The following COL4A3 variants were observed in gnomAD, a reference collection of about 807,000 sequenced individuals.
The protein encoded by COL4A3 is collagen type IV alpha 3 chain.
Under a neutral mutation model 217.4 loss-of-function variants are expected in COL4A3, and 135 were observed. The observed-to-expected ratio is 0.62, with a 90% CI of 0.54 to 0.72. COL4A3 has a LOEUF of 0.72. Among genes scored for constraint, COL4A3 ranks in the 30% least tolerant of loss-of-function variants. The probability of loss-of-function intolerance (pLI) is 0.00; values close to 1 mark genes in which losing one functional copy is unlikely to be tolerated. For synonymous variants in COL4A3, 690 were observed against 736.3 expected, an observed-to-expected ratio of 0.94 and a Z score of 1.02; for missense variants, 1,868 against 2,119.9, an observed-to-expected ratio of 0.88 and a Z score of 2.33.
rs1467081509 is a variant in COL4A3, at chr2:227,250,678, A to G, written c.547-462A>G. ...TGTCTGGGTTGGAAGGTGGGTTACA[A>G]CTTTGGATAAGCAGGAAGGCTTTAT... On this transcript the variant is annotated intron_variant, in intron 9 of 51. Coordinates refer to ENST00000396578, the MANE Select transcript of COL4A3 (RefSeq NM_000091.5). This position sits in a 1 kb window ranked among gnomAD's most constrained non-coding sequence, Gnocchi z 4.1. 6.6e-6 allele frequency among the ~76,000 whole-genome samples: 1 copy of G among 152,192 alleles called. No homozygotes were observed. Among genetic ancestry groups the G allele is most frequent in the Non-Finnish European group, 1.5e-5 (1 of 68,032 alleles).
Position 227,304,382 on chromosome 2 carries a change from TG to T in COL4A3, c.4153+239del, listed in dbSNP as rs139517145. 0.12 allele frequency: 63,729 copies of T among 521,070 alleles called. 4,262 individuals carry two copies. Among genetic ancestry groups the T allele is most frequent in the Non-Finnish European group, 0.14 (42,072 of 291,646 alleles). 32.3% of individuals were successfully genotyped at this position (521,070 alleles called of 1,614,324 possible). A position where few individuals can be genotyped will look rare whatever the true frequency, so the allele number is the denominator to read the frequency against. ...TGAACAAATACACTTTAGGGCAGCA[TG>T]TTTTTTTTATTATTTTTTATTAAGG... is the stretch of plus-strand genomic sequence containing the variant. On this transcript the variant is annotated intron_variant, in intron 46 of 51. Transcript: ENST00000396578.
chr2:227,217,617 A>G (rs1175734439), intron 1 of COL4A3, among the ~76,000 whole-genome samples: 2 of 152,226 alleles, frequency 1.3e-5, no homozygotes, highest in East Asian at 3.8e-4. Context: ...TTATTAAAAT[A>G]AAATATCTCT....
chr2:227,165,416 T>C (rs1215474296), intron 1 of COL4A3, among the ~76,000 whole-genome samples: 11 of 152,232 alleles, frequency 7.2e-5, no homozygotes, highest in African/African-American at 2.4e-4. Context: ...TTAGAATCAT[T>C]TAAGCAATCT....
chr2:227,266,495 T>C lies in COL4A3; in HGVS notation c.1394T>C (p.Val465Ala). ...CTAGGGTCTCCAGGAATCCCAGGAG[T>C]TGATGGGCCCAAAGGTTGGTTCAAT... ...GYLGSPGIPG[V>A]DGPKGEPGLL... The change falls in exon 22 of 52, where the codon GTT becomes GCT. Residue 465 changes from valine (V) to alanine (A), a missense_variant. Around this residue, in one of 2 missense-constraint regions of COL4A3, gnomAD observed 1,503 missense variants for 1,786.1 expected, o/e 0.84. Transcript: ENST00000396578. 1 of 1,613,022 alleles carries C rather than the reference T, an allele frequency of 6.2e-7. No individual in the cohort carries two copies. The highest frequency in any genetic ancestry group is 8.5e-7 in the Non-Finnish European group (1 of 1,179,512).
intron 1 of COL4A3, among the ~76,000 whole-genome samples, chr2:227,219,604 A>G (rs1674681804): frequency 6.6e-6 from 1 of 151,940 alleles, no homozygotes; most frequent in Admixed American, 6.6e-5. Flanking sequence ...TGTAGCTTAC[A>G]TTTTCTTATT....
Position 227,230,802 on chromosome 2 carries a change from G to T in COL4A3, c.88-7166G>T, listed in dbSNP as rs1212069179. Among the ~76,000 whole-genome samples, 4 of 152,198 alleles carry T rather than the reference G, an allele frequency of 2.6e-5. No individual in the cohort carries two copies. The East Asian group carries it at 7.7e-4, about 29-fold the overall frequency. ...GAGCTACTGTCATCACCATCCAAAA[G>T]TATTCAAGTGCCCCTGTGCTGGGGT... On this transcript the variant is annotated intron_variant, in intron 1 of 51. Transcript: ENST00000396578.
At chr2:227,167,732 T>C (rs941801200) in intron 1 of COL4A3, among the ~76,000 whole-genome samples, 1 of 152,206 alleles carries the variant, frequency 6.6e-6, no homozygotes, top group African/African-American at 2.4e-5. Flanking sequence ...GACACCAACT[T>C]ATCTATCCCT....
chr2:227,239,267 C>G (rs2068879456), intron 2 of COL4A3, among the ~76,000 whole-genome samples: 1 of 151,920 alleles, frequency 6.6e-6, no homozygotes, highest in Admixed American at 6.6e-5. Context: ...GTATAACAAC[C>G]ATTTGCAAAG....
In COL4A3 at chr2:227,191,213, C is replaced by G. The variant is rs2066227746; in HGVS notation, c.87+26400C>G. On this transcript the variant is annotated intron_variant, in intron 1 of 51. Transcript: ENST00000396578. The surrounding 1 kb of genome is among the most constrained non-coding windows in gnomAD (Gnocchi z 6.8). ...AAAATTTTTATTATTATAAGTAATA[C>G]TGCTATGATCATGCCAATGACACTC... Among the ~76,000 whole-genome samples, 2 of 152,042 alleles carry G rather than the reference C, an allele frequency of 1.3e-5. No individual in the cohort carries two copies. The highest frequency in any genetic ancestry group is 1.3e-4 in the Admixed American group (2 of 15,264).
chr2:227,231,995 T>A (rs1247846642), intron 1 of COL4A3, among the ~76,000 whole-genome samples: 1 of 152,174 alleles, frequency 6.6e-6, no homozygotes, highest in Non-Finnish European at 1.5e-5. Flanking sequence ...ATTCTTCTAC[T>A]CTTTATGTCC....
intron 28 of COL4A3, 69 bp downstream of exon 28, chr2:227,277,622 AAAAT>A (rs2071663513): frequency 1.2e-6 from 1 of 832,476 alleles, no homozygotes; most frequent in Non-Finnish European, 2.0e-6. Context: ...ATGTATAAAT[AAAAT>A]GAGTAAAATA....
At chr2:227,195,023 A>G (rs1039260351) in intron 1 of COL4A3, among the ~76,000 whole-genome samples, 5 of 152,204 alleles carry the variant, frequency 3.3e-5, no homozygotes, top group African/African-American at 4.8e-5. Context: ...TGGGGAAAAA[A>G]GAAAATTTTC....
At chr2:227,304,870 A>G (rs2073438232) in intron 46 of COL4A3, 115 bp from the exon 47 acceptor site, 1 of 844,912 alleles carries the variant, frequency 1.2e-6, no homozygotes, top group African/African-American at 1.7e-5. Context: ...GGATCTTCCC[A>G]GGATGCAGGA....
intron 1 of COL4A3, among the ~76,000 whole-genome samples, chr2:227,188,052 G>T (rs2066095430): frequency 6.7e-6 from 1 of 150,260 alleles, no homozygotes; most frequent in Non-Finnish European, 1.5e-5. Context: ...TTTTTATGAG[G>T]GCTAGAAGAA....
intron 1 of COL4A3, among the ~76,000 whole-genome samples, chr2:227,187,655 T>G (rs970776191): frequency 1.3e-5 from 2 of 152,244 alleles, no homozygotes; most frequent in Non-Finnish European, 2.9e-5. Flanking sequence ...ATTAGCCCAT[T>G]GTCCCTTCCA....
At chr2:227,304,354 A>G in intron 46 of COL4A3, 1 of 602,282 alleles carries the variant, frequency 1.7e-6, no homozygotes. Context: ...TCATAGTATA[A>G]CTTGAACAAA....
At chr2:227,273,862 C>T (rs1356953169) in intron 26 of COL4A3, among the ~76,000 whole-genome samples, 1 of 152,152 alleles carries the variant, frequency 6.6e-6, no homozygotes, top group Non-Finnish European at 1.5e-5. Context: ...GTTCTGGATT[C>T]AGGAGTGTGG....
intron 1 of COL4A3, among the ~76,000 whole-genome samples, chr2:227,190,794 C>A (rs1305368262): frequency 2.0e-5 from 3 of 152,126 alleles, no homozygotes; most frequent in Non-Finnish European, 4.4e-5. Context: ...GTAGTCCCAG[C>A]TACTCAGAAG....
At chr2:227,283,065 T>C (rs2072082829) in intron 32 of COL4A3, among the ~76,000 whole-genome samples, 1 of 152,214 alleles carries the variant, frequency 6.6e-6, no homozygotes, top group Admixed American at 6.5e-5. Flanking sequence ...TATATTCAGG[T>C]TTTCTATTTC....
Sources: allele counts gnomAD v4.1 joint callset (sites outside exome capture counted in the v4.1 genomes callset), GRCh38; gene constraint gnomAD v4.1.1; regional missense constraint gnomAD v4.1.1; non-coding constraint Gnocchi (gnomAD v3.1); transcripts MANE v1.5; gene names NCBI Gene and HGNC (gene_info 2026-07-23, HGNC 2026-07-21).